The following CTPS2 variants were observed in gnomAD, a reference collection of about 807,000 sequenced individuals.
CTPS2 encodes CTP synthase II.
CTPS2 carries 19 observed loss-of-function variants against 46.8 expected under a neutral mutation model. The observed-to-expected ratio is 0.41, with a 90% CI of 0.28 to 0.60. The LOEUF is 0.60. CTPS2 is among the 20% of genes least tolerant of loss of function. CTPS2 has a pLI of 0.35. For synonymous variants in CTPS2, 151 were observed against 165.2 expected, an observed-to-expected ratio of 0.91 and a Z score of 0.66; for missense variants, 286 against 447.6, an observed-to-expected ratio of 0.64 and a Z score of 3.26.
In CTPS2 at chrX:16,588,306, T is replaced by C. The variant is rs1332668168; in HGVS notation, c.*1511A>G. The C allele has an allele frequency of 8.9e-6, 1 of 112,234 alleles. No homozygotes were observed. Among genetic ancestry groups the C allele is most frequent in the Non-Finnish European group, 1.9e-5 (1 of 53,297 alleles). 9.2% of individuals were successfully genotyped at this position (112,234 alleles called of 1,213,427 possible). A position where few individuals can be genotyped will look rare whatever the true frequency, so the allele number is the denominator to read the frequency against. On this transcript the variant is annotated 3_prime_UTR_variant, in exon 19 of 19. Coordinates refer to ENST00000359276, the MANE Select transcript of CTPS2 (RefSeq NM_175859.3). ...AATCAATTAATTATTCAGCATTCCC[T>C]CCCAAGATGGGACACTCTGCAATCT...
At chrX:16,695,001 A>AC (rs1333782565) in intron 4 of CTPS2, among the ~76,000 whole-genome samples, 5 of 72,213 alleles carry the variant, frequency 6.9e-5, no homozygotes, top group African/African-American at 3.8e-4. Flanking sequence ...GTCTCTTTAA[A>AC]AAACAACAAC....
chrX:16,688,922 C>T (rs2147350372), intron 8 of CTPS2, among the ~76,000 whole-genome samples: 1 of 106,300 alleles, frequency 9.4e-6, no homozygotes, highest in South Asian at 4.1e-4. Context: ...AGAAAAATCC[C>T]GTCTCTACAA....
At chrX:16,653,818 C>T (rs1484125594) in intron 13 of CTPS2, among the ~76,000 whole-genome samples, 3 of 112,121 alleles carry the variant, frequency 2.7e-5, no homozygotes, top group Admixed American at 9.4e-5. Flanking sequence ...CTGGAGTCAA[C>T]GTGTGGACCC....
At chrX:16,693,287 C>T (rs1923850168) in intron 5 of CTPS2, 63 bp from the exon 6 acceptor site, 3 of 1,063,450 alleles carry the variant, frequency 2.8e-6, no homozygotes, top group Admixed American at 4.4e-5. Flanking sequence ...ATTAATGGTG[C>T]CCCACTTTCA....
intron 16 of CTPS2, among the ~76,000 whole-genome samples, chrX:16,616,398 A>G (rs1293794804): frequency 8.9e-6 from 1 of 112,102 alleles, no homozygotes; most frequent in Non-Finnish European, 1.9e-5. Context: ...CACCCAGCAC[A>G]GTGGAGAAAG....
At chrX:16,607,572 G>A (rs1930044408) in intron 17 of CTPS2, among the ~76,000 whole-genome samples, 1 of 112,938 alleles carries the variant, frequency 8.9e-6, no homozygotes, top group Admixed American at 9.3e-5. Context: ...CAAATTATGT[G>A]AAGCTGTTCC....
chrX:16,628,678 C>A (rs1357706939), intron 14 of CTPS2, among the ~76,000 whole-genome samples: 1 of 111,968 alleles, frequency 8.9e-6, no homozygotes, highest in Non-Finnish European at 1.9e-5. Flanking sequence ...TCATCACTTT[C>A]ATTTGTTTTC....
chrX:16,640,271 T>A (rs753627470), intron 13 of CTPS2, among the ~76,000 whole-genome samples: 57 of 111,568 alleles, frequency 5.1e-4, no homozygotes, highest in African/African-American at 1.8e-3. Flanking sequence ...CGTGGCGACT[T>A]GGCCCACACT....
At chrX:16,592,076 C>CT (rs113968510) in intron 17 of CTPS2, among the ~76,000 whole-genome samples, 142 of 103,408 alleles carry the variant, frequency 1.4e-3, no homozygotes, top group Middle Eastern at 9.6e-3. Context: ...TTCTCTGTCT[C>CT]TTTTTTTTTT....
chrX:16,611,082 G>A (rs1181983446), intron 16 of CTPS2, among the ~76,000 whole-genome samples: 1 of 111,364 alleles, frequency 9.0e-6, no homozygotes, highest in Non-Finnish European at 1.9e-5. Flanking sequence ...ACTATCTGTT[G>A]GGTACTCTAG....
At chrX:16,650,706 A>T (rs1237020609) in intron 13 of CTPS2, among the ~76,000 whole-genome samples, 1 of 108,858 alleles carries the variant, frequency 9.2e-6, no homozygotes, top group African/African-American at 3.3e-5. Flanking sequence ...GGGTCTCACC[A>T]TGTTGGCCAG....
At chrX:16,678,661 T>C (rs893782489) in intron 9 of CTPS2, among the ~76,000 whole-genome samples, 11 of 110,886 alleles carry the variant, frequency 9.9e-5, no homozygotes, top group African/African-American at 3.6e-4. Context: ...ATCCACACTA[T>C]ACTGTGATAA....
intron 17 of CTPS2, among the ~76,000 whole-genome samples, chrX:16,608,814 G>T (rs1270269616): frequency 1.8e-5 from 2 of 111,196 alleles, no homozygotes; most frequent in Non-Finnish European, 1.9e-5. Context: ...TGACAATTTG[G>T]CAGGGAAGTA....
At chrX:16,617,281 A>G (rs763046018) in intron 15 of CTPS2, 35 bp from the exon 16 acceptor site, 1 of 1,026,518 alleles carries the variant, frequency 9.7e-7, no homozygotes, top group Non-Finnish European at 1.4e-6. Flanking sequence ...TATGGGCCAC[A>G]GTGCAATACC....
chrX:16,641,203 A>G (rs1932061846), intron 13 of CTPS2, among the ~76,000 whole-genome samples: 1 of 112,035 alleles, frequency 8.9e-6, no homozygotes, highest in South Asian at 3.7e-4. Flanking sequence ...CAGAAGTCCT[A>G]CGTGTATTCA....
chrX:16,681,743 C>G (rs1484917386), intron 9 of CTPS2, among the ~76,000 whole-genome samples: 1 of 110,758 alleles, frequency 9.0e-6, no homozygotes, highest in African/African-American at 3.3e-5. Context: ...GAGATGAGGT[C>G]TCCCATTGTT....
intron 13 of CTPS2, among the ~76,000 whole-genome samples, chrX:16,639,782 AAAGAAAG>A (rs1353378227): frequency 1.7e-5 from 1 of 58,773 alleles, no homozygotes; most frequent in African/African-American, 8.2e-5. Flanking sequence ...AAAAGAAAAG[AAAGAAAG>A]AAAGAAAGAA....
chrX:16,698,865 T>C (rs1448709769), intron 3 of CTPS2, 58 bp downstream of exon 3: 1 of 1,079,947 alleles, frequency 9.3e-7, no homozygotes, highest in African/African-American at 1.9e-5. Context: ...GTTCTACTTT[T>C]GAGCAGTACA....
chrX:16,618,413 A>G (rs1190280699), intron 15 of CTPS2, among the ~76,000 whole-genome samples: 3 of 112,296 alleles, frequency 2.7e-5, no homozygotes, highest in African/African-American at 9.7e-5. Context: ...TCATTCAGAT[A>G]AAAGTTTTTG....
Sources: allele counts gnomAD v4.1 joint callset (sites outside exome capture counted in the v4.1 genomes callset), GRCh38; gene constraint gnomAD v4.1.1; transcripts MANE v1.5; gene names NCBI Gene and HGNC (gene_info 2026-07-23, HGNC 2026-07-21).